The following CNTN5 variants were observed in gnomAD, a reference collection of about 807,000 sequenced individuals.
The protein encoded by CNTN5 is contactin-5.
In CNTN5, 77 loss-of-function variants were observed where a neutral mutation model predicts 129.1. The ratio of observed to expected loss-of-function variants is 0.60; its 90% CI spans 0.50 to 0.72. CNTN5 has a LOEUF of 0.72. Ranked by LOEUF, CNTN5 falls within the 30% of genes least tolerant of loss-of-function variation. The probability of loss-of-function intolerance (pLI) is 0.00; values close to 1 mark genes in which losing one functional copy is unlikely to be tolerated. For synonymous variants in CNTN5, 509 were observed against 465.6 expected (o/e 1.09, Z -1.20); for missense variants, 1,478 against 1,328.8 (o/e 1.11, Z -1.75).
intron 3 of CNTN5, among the ~76,000 whole-genome samples, chr11:99,734,045 T>G (rs559550742): frequency 6.6e-5 from 10 of 152,304 alleles, no homozygotes; most frequent in Non-Finnish European, 1.3e-4. Flanking sequence ...TTGTGGTGTT[T>G]GGAGTCTTCC....
intron 3 of CNTN5, among the ~76,000 whole-genome samples, chr11:99,583,051 T>C (rs1949666848): frequency 6.6e-6 from 1 of 152,258 alleles, no homozygotes; most frequent in African/African-American, 2.4e-5. Context: ...CAGTCAGGAC[T>C]CTCAGCTTCA....
intron 13 of CNTN5, among the ~76,000 whole-genome samples, chr11:100,103,871 C>A (rs1463944610): frequency 1.3e-5 from 2 of 152,044 alleles, no homozygotes; most frequent in Admixed American, 1.3e-4. Context: ...TTATATTTGC[C>A]AACATACCCA....
chr11:99,800,432 G>C (rs1201443263), intron 3 of CNTN5, among the ~76,000 whole-genome samples: 1 of 152,116 alleles, frequency 6.6e-6, no homozygotes, highest in African/African-American at 2.4e-5. Flanking sequence ...CGATTCATAT[G>C]TGGAATATTC....
At chr11:99,211,813 T>A (rs1001154291) in intron 1 of CNTN5, among the ~76,000 whole-genome samples, 13 of 152,168 alleles carry the variant, frequency 8.5e-5, no homozygotes, top group African/African-American at 3.1e-4. Context: ...TATGATCATA[T>A]TCCAGGAAAG....
At chr11:99,692,751 C>T (rs961412235) in intron 3 of CNTN5, among the ~76,000 whole-genome samples, 3 of 152,040 alleles carry the variant, frequency 2.0e-5, no homozygotes, top group East Asian at 1.9e-4. Context: ...AAAACAAATG[C>T]GTATTTTAAG....
At chr11:99,503,510 C>A (rs1385709751) in intron 2 of CNTN5, among the ~76,000 whole-genome samples, 1 of 152,172 alleles carries the variant, frequency 6.6e-6, no homozygotes, top group Non-Finnish European at 1.5e-5. Context: ...TTCCAGGAAG[C>A]TTTCTGCAAT....
At chr11:99,908,976 C>G (rs1435214096) in intron 6 of CNTN5, among the ~76,000 whole-genome samples, 1 of 151,932 alleles carries the variant, frequency 6.6e-6, no homozygotes, top group Non-Finnish European at 1.5e-5. Context: ...TTATATATAA[C>G]CAGAGAAAAA....
rs537748317 is a variant in CNTN5 at position 99,542,629 on chromosome 11, A to C, written c.-70-13516A>C. Among the ~76,000 whole-genome samples, 9 of 152,278 alleles carry C rather than the reference A, an allele frequency of 5.9e-5. 1 individual carries two copies. The highest frequency in any genetic ancestry group is 2.2e-4 in the African/African-American group (9 of 41,568). On this transcript the variant is annotated intron_variant, in intron 2 of 24. Coordinates refer to ENST00000524871, the MANE Select transcript of CNTN5 (RefSeq NM_014361.4). ...CCAGTAGCATACCAGTGACAACAAC[A>C]AAAAAATCTCCAAATATTGCTAAAT...
intron 1 of CNTN5, among the ~76,000 whole-genome samples, chr11:99,258,148 C>A (rs1050373043): frequency 2.0e-5 from 3 of 151,956 alleles, no homozygotes; most frequent in Admixed American, 2.0e-4. Context: ...AGAGTGTATT[C>A]TTTTTTTAAC....
chr11:99,570,419 T>C (rs1397669672), intron 3 of CNTN5, among the ~76,000 whole-genome samples: 1 of 152,200 alleles, frequency 6.6e-6, no homozygotes, highest in East Asian at 1.9e-4. Context: ...AGAAACATCA[T>C]AGCTATAGAT....
At chr11:99,623,576 A>G (rs142268820) in intron 3 of CNTN5, among the ~76,000 whole-genome samples, 19 of 152,170 alleles carry the variant, frequency 1.2e-4, no homozygotes, top group African/African-American at 4.6e-4. Flanking sequence ...TGTGACAAAG[A>G]AAATGAAGAA....
chr11:99,153,071 A>C lies in CNTN5; in HGVS notation c.-210+131801A>C, dbSNP rs529214541. ...CTGCCCCTTCTCTCTAGCTGCCTTT[A>C]ACATTTCTTCTTTTGTTTTGACATT... On this transcript the variant is annotated intron_variant, in intron 1 of 24. Transcript: ENST00000524871. Among the ~76,000 whole-genome samples the C allele has an allele frequency of 6.0e-4, 92 of 152,154 alleles. No homozygotes were observed. In the East Asian group the frequency reaches 0.015, roughly 26 times the overall value.
At chr11:100,092,598 C>T (rs1204165859) in intron 13 of CNTN5, among the ~76,000 whole-genome samples, 3 of 152,104 alleles carry the variant, frequency 2.0e-5, no homozygotes, top group East Asian at 1.9e-4. Context: ...TCCAAACTGT[C>T]CCTATCTGGT....
chr11:100,311,883 T>C (rs1041308481), intron 21 of CNTN5, among the ~76,000 whole-genome samples: 4 of 152,044 alleles, frequency 2.6e-5, no homozygotes, highest in East Asian at 3.9e-4. Flanking sequence ...CAGAGCACAA[T>C]GTTTTCACTA....
intron 2 of CNTN5, among the ~76,000 whole-genome samples, chr11:99,466,229 A>G (rs943019349): frequency 3.3e-5 from 5 of 152,042 alleles, no homozygotes; most frequent in African/African-American, 9.7e-5. Flanking sequence ...ACTCACTTCT[A>G]CGAGAACAGC....
chr11:99,901,179 T>C (rs1460800413), intron 6 of CNTN5, among the ~76,000 whole-genome samples: 1 of 152,212 alleles, frequency 6.6e-6, no homozygotes, highest in Non-Finnish European at 1.5e-5. Context: ...ATGGTAGCTA[T>C]CATCATCACC....
At chr11:99,132,640 A>G (rs1267110132) in intron 1 of CNTN5, among the ~76,000 whole-genome samples, 1 of 152,142 alleles carries the variant, frequency 6.6e-6, no homozygotes, top group Non-Finnish European at 1.5e-5. Context: ...ATCATGAATG[A>G]ACTCCCATTC....
chr11:100,340,534 C>T lies in CNTN5; in HGVS notation c.2802C>T (p.Phe934=), dbSNP rs1374015555. 2 of 1,613,054 alleles carry T rather than the reference C, an allele frequency of 1.2e-6. No individual in the cohort carries two copies. The highest frequency in any genetic ancestry group is 8.5e-7 in the Non-Finnish European group (1 of 1,179,372). ...ETVKTRGNES[F]VILTGLEGNT... ...TCAAAACTAGAGGGAATGAGTCTTT[C>T]GTCATCCTAACAGGATTAGAAGGAA... The change falls in exon 22 of 25, where the codon TTC becomes TTT. Residue 934 remains phenylalanine, a synonymous_variant. Coordinates refer to ENST00000524871, the MANE Select transcript of CNTN5 (RefSeq NM_014361.4).
At chr11:99,948,414 C>T (rs1212603749) in intron 7 of CNTN5, among the ~76,000 whole-genome samples, 2 of 152,168 alleles carry the variant, frequency 1.3e-5, no homozygotes, top group Non-Finnish European at 2.9e-5. Flanking sequence ...GGTTTAATTA[C>T]AGTGTGACTT....
Sources: allele counts gnomAD v4.1 joint callset (sites outside exome capture counted in the v4.1 genomes callset), GRCh38; gene constraint gnomAD v4.1.1; transcripts MANE v1.5; gene names NCBI Gene and HGNC (gene_info 2026-07-23, HGNC 2026-07-21).